Variants in ANKRD30B observed in about 807,000 individuals in gnomAD.
ANKRD30B encodes ankyrin repeat domain-containing protein 30B.
A neutral mutation model predicts 202.2 loss-of-function variants in ANKRD30B; 144 were observed. The ratio of observed to expected loss-of-function variants is 0.71; its 90% confidence interval spans 0.62 to 0.82. The LOEUF is 0.82. Ranked by LOEUF, ANKRD30B falls within the 40% of genes least tolerant of loss-of-function variation. The pLI, the probability that ANKRD30B is intolerant of heterozygous loss-of-function variation, is 0.00. For missense variants in ANKRD30B, 1,487 were observed against 1,669.1 expected, an observed-to-expected ratio of 0.89 and a Z score of 1.90; for synonymous variants, 508 against 561.3, an observed-to-expected ratio of 0.91 and a Z score of 1.34.
At chr18:14,832,844 AAAG>A (rs1971011970) in intron 34 of ANKRD30B, among the ~76,000 whole-genome samples, 1 of 152,338 alleles carries the variant, frequency 6.6e-6, no homozygotes, top group Admixed American at 6.5e-5. Flanking sequence ...AGTAAATAGG[AAAG>A]AAGATTACAC....
At chr18:14,778,119 T>C (rs1827459101) in intron 10 of ANKRD30B, 44 bp downstream of exon 10, 1 of 1,333,704 alleles carries the variant, frequency 7.5e-7, no homozygotes, top group Admixed American at 2.1e-5. Flanking sequence ...ACCAAATGTT[T>C]GTCTAAATTC....
chr18:14,911,050 T>C, the ANKRD30B span, among the ~76,000 whole-genome samples: 1 of 152,140 alleles, frequency 6.6e-6, no homozygotes. Flanking sequence ...TTTGCAAATA[T>C]TTTTTTCCAT....
the ANKRD30B span, among the ~76,000 whole-genome samples, chr18:14,940,069 T>C: frequency 6.6e-6 from 1 of 152,228 alleles, no homozygotes; most frequent in South Asian, 2.1e-4. Flanking sequence ...CAATTTTGAC[T>C]GTGCAGCAGA....
At chr18:14,806,970 T>A (rs1418869270) in intron 24 of ANKRD30B, among the ~76,000 whole-genome samples, 1 of 151,010 alleles carries the variant, frequency 6.6e-6, no homozygotes, top group Admixed American at 6.6e-5. Flanking sequence ...CTCATCGTAA[T>A]TAAAGCGGGT....
intron 1 of ANKRD30B, among the ~76,000 whole-genome samples, chr18:14,749,421 C>T (rs1335279674): frequency 6.6e-6 from 1 of 152,060 alleles, no homozygotes. Context: ...CCTGTAATCC[C>T]AGCACTTTGG....
In ANKRD30B at chr18:14,824,995, G is replaced by A. The variant is rs188740205; in HGVS notation, c.2743+2318G>A. Among the ~76,000 whole-genome samples the A allele has an allele frequency of 2.3e-3, 356 of 152,152 alleles. 1 individual carries two copies. The highest frequency in any genetic ancestry group is 3.7e-3 in the Non-Finnish European group (254 of 68,010). ...GTTTGCATTGTGTCCCTTAATTGAG[G>A]GACCACGATACCAAGTCTCCACTAG... On this transcript the variant is annotated intron_variant, in intron 32 of 43. Coordinates refer to ENST00000690538, the MANE Select transcript of ANKRD30B (RefSeq NM_001367607.2).
chr18:14,752,593 T>A lies in ANKRD30B; in HGVS notation c.249T>A (p.Asn83Lys). The change falls in exon 2 of 44, where the codon AAT becomes AAA. Residue 83 changes from asparagine to lysine, a missense_variant. Transcript: ENST00000690538. The stretch of plus-strand genomic sequence containing the variant: ...CTGCTCTACACTGGGCCTGTGTCAA[T>A]GGCCATGCAGAAGTAGTAACATTTC... ...KRTALHWACV[N>K]GHAEVVTFLV... The A allele has an allele frequency of 1.9e-6, 3 of 1,612,710 alleles. No individual in the cohort carries two copies. The South Asian group carries it at 3.3e-5, about 18-fold the overall frequency.
chr18:14,757,938 T>G lies in ANKRD30B; in HGVS notation c.741T>G (p.Ala247=). The change falls in exon 5 of 44, where the codon GCT becomes GCG. Residue 247 remains alanine (A), a synonymous_variant. Transcript: ENST00000690538. ...TAACTGCAGAACGTTATGCTGCTGC[T>G]TGTGGAGTTAATTAGTAAGTGTTTA... ...HGITAERYAA[A]CGVNYIHQQL... is the part of the protein sequence containing the mutation. 1.9e-6 allele frequency: 3 copies of G among 1,597,704 alleles called. No individual in the cohort carries two copies. The highest frequency in any genetic ancestry group is 2.6e-6 in the Non-Finnish European group (3 of 1,171,202).
At chr18:14,823,969 TC>T (rs1438317757) in intron 32 of ANKRD30B, among the ~76,000 whole-genome samples, 1 of 152,146 alleles carries the variant, frequency 6.6e-6, no homozygotes, top group African/African-American at 2.4e-5. Context: ...GACTCCCATC[TC>T]AAAAAGCAAA....
intron 6 of ANKRD30B, among the ~76,000 whole-genome samples, chr18:14,762,688 A>C (rs1196316771): frequency 1.3e-5 from 2 of 152,234 alleles, no homozygotes; most frequent in African/African-American, 4.8e-5. Flanking sequence ...GCTTAACTCT[A>C]AACACAAAAA....
chr18:14,824,727 A>G (rs1045549649), intron 32 of ANKRD30B, among the ~76,000 whole-genome samples: 2 of 152,232 alleles, frequency 1.3e-5, no homozygotes, highest in Non-Finnish European at 2.9e-5. Context: ...TTTAAGTATC[A>G]GAGCATTCTG....
chr18:14,852,285 G>T lies in ANKRD30B; in HGVS notation c.4341G>T (p.Lys1447Asn). 3.9e-6 allele frequency: 6 copies of T among 1,544,112 alleles called. No individual in the cohort carries two copies. Among genetic ancestry groups the T allele is most frequent in the Non-Finnish European group, 5.2e-6 (6 of 1,144,858 alleles). The change falls in exon 42 of 44, where the codon AAG becomes AAT. Residue 1447 changes from lysine (K) to asparagine (N), a missense_variant. Lys to Asn is a moderately conservative substitution (Grantham distance 94, BLOSUM62 0). Transcript: ENST00000690538. ...CACATAAGAAAGTTAACAAAAGCAA[G>T]GTAACAATTAATATTCAGTTTCCTG... ...VYAHKKVNKSKVTINIQFPEM... is the reference protein window; with the variant it reads ...VYAHKKVNKSNVTINIQFPEM...
chr18:14,824,525 C>T (rs567864268), intron 32 of ANKRD30B, among the ~76,000 whole-genome samples: 1 of 152,054 alleles, frequency 6.6e-6, no homozygotes, highest in Non-Finnish European at 1.5e-5. Flanking sequence ...AGCAAATGTT[C>T]TTACTGTGAT....
intron 5 of ANKRD30B, 54 bp from the exon 6 acceptor site, chr18:14,760,500 G>A: frequency 9.7e-7 from 1 of 1,030,688 alleles, no homozygotes. Context: ...TTTGGTAAAT[G>A]TTTTTTATAT....
chr18:14,767,293 C>T (rs1916390430), intron 7 of ANKRD30B, among the ~76,000 whole-genome samples: 1 of 151,906 alleles, frequency 6.6e-6, no homozygotes, highest in African/African-American at 2.4e-5. Flanking sequence ...TCTAAGACAC[C>T]CGGTGAATGT....
chr18:14,912,024 A>T, the ANKRD30B span, among the ~76,000 whole-genome samples: 1 of 152,160 alleles, frequency 6.6e-6, no homozygotes, highest in Non-Finnish European at 1.5e-5. Flanking sequence ...TTATTGGTGG[A>T]GTCCTTTAGA....
At chr18:14,831,534 T>A in intron 34 of ANKRD30B, 79 bp downstream of exon 34, 1 of 654,888 alleles carries the variant, frequency 1.5e-6, no homozygotes. Flanking sequence ...TGTTTAGCAG[T>A]GGTGTATGTA....
At chr18:14,869,992 C>G in the ANKRD30B span, among the ~76,000 whole-genome samples, 1 of 151,832 alleles carries the variant, frequency 6.6e-6, no homozygotes, top group Non-Finnish European at 1.5e-5. Context: ...CGGGCCACCA[C>G]GACCTGCTAA....
chr18:14,895,514 G>A, the ANKRD30B span, among the ~76,000 whole-genome samples: 1 of 152,088 alleles, frequency 6.6e-6, no homozygotes, highest in Non-Finnish European at 1.5e-5. Context: ...CAGCAGTCAT[G>A]CCCCCAGGTA....
Sources: allele counts gnomAD v4.1 joint callset (sites outside exome capture counted in the v4.1 genomes callset), GRCh38; gene constraint gnomAD v4.1.1; transcripts MANE v1.5; gene names NCBI Gene and HGNC (gene_info 2026-07-23, HGNC 2026-07-21).